Variants in SHISA9 observed in about 807,000 individuals in gnomAD.
SHISA9 encodes the protein shisa family member 9.
In SHISA9, 13 loss-of-function variants were observed where a neutral mutation model predicts 38.0. That is an observed-to-expected ratio of 0.34 (90% CI 0.22 to 0.54). The LOEUF (loss-of-function observed/expected upper bound fraction) is 0.54, where lower values mean the gene tolerates loss of function less well. Among genes scored for constraint, SHISA9 ranks in the 20% least tolerant of loss-of-function variants. The pLI, the probability that SHISA9 is intolerant of heterozygous loss-of-function variation, is 0.91. For missense variants in SHISA9, 538 were observed against 575.8 expected, an observed-to-expected ratio of 0.93 and a Z score of 0.67; for synonymous variants, 275 against 242.0, an observed-to-expected ratio of 1.14 and a Z score of -1.27.
chr16:12,902,451 C>A lies in SHISA9; in HGVS notation c.387C>A (p.Leu129=). 1 of 1,551,450 alleles carries A rather than the reference C, an allele frequency of 6.4e-7. No individual in the cohort carries two copies. The highest frequency in any genetic ancestry group is 8.7e-7 in the Non-Finnish European group (1 of 1,147,008). Residue 129 remains leucine, a synonymous_variant, in exon 1 of 5, where the codon CTC becomes CTA. Transcript: ENST00000558583. ...CCAACTACGACACGCCGCTCTGGCT[C>A]AACACCGGCAAGCCCCCCGCCCGCA... ...TCTNYDTPLW[L]NTGKPPARKD...
At chr16:13,533,732 C>T in the SHISA9 span, among the ~76,000 whole-genome samples, 1 of 151,714 alleles carries the variant, frequency 6.6e-6, no homozygotes, top group South Asian at 2.1e-4. Context: ...ATTTCCCCCT[C>T]TTTGTGGATT....
intron 4 of SHISA9, among the ~76,000 whole-genome samples, chr16:13,219,174 C>G (rs1291721140): frequency 1.3e-5 from 2 of 152,206 alleles, no homozygotes; most frequent in South Asian, 4.1e-4. Context: ...AGAAAATGCT[C>G]TTGCATCAAG....
chr16:13,045,775 G>A (rs1114176), intron 2 of SHISA9, among the ~76,000 whole-genome samples: 9,752 of 152,156 alleles, frequency 0.064, 606 homozygotes, highest in East Asian at 0.18. Flanking sequence ...TGTCCCCCAG[G>A]GGGAGTCTGC....
the SHISA9 span, among the ~76,000 whole-genome samples, chr16:13,293,048 C>T: frequency 1.3e-5 from 2 of 152,102 alleles, no homozygotes; most frequent in African/African-American, 4.8e-5. Context: ...CTGCAAACTG[C>T]TGTTTCTCTT....
At chr16:13,104,365 G>T (rs1365646451) in intron 2 of SHISA9, among the ~76,000 whole-genome samples, 2 of 151,882 alleles carry the variant, frequency 1.3e-5, no homozygotes, top group Admixed American at 1.3e-4. Flanking sequence ...CCCAAGAGAA[G>T]TGAAAGCATA....
intron 2 of SHISA9, among the ~76,000 whole-genome samples, chr16:13,060,637 CAAAA>C (rs5815739): frequency 3.5e-5 from 3 of 86,560 alleles, no homozygotes; most frequent in African/African-American, 1.4e-4. Flanking sequence ...GACCCCATCT[CAAAA>C]AAAAAAAAAA....
intron 2 of SHISA9, among the ~76,000 whole-genome samples, chr16:13,155,131 G>A (rs2050532919): frequency 6.6e-6 from 1 of 152,198 alleles, no homozygotes; most frequent in South Asian, 2.1e-4. Flanking sequence ...AGGCTGAGTT[G>A]CAATGCAATG....
At chr16:13,494,354 A>G in the SHISA9 span, among the ~76,000 whole-genome samples, 6 of 152,320 alleles carry the variant, frequency 3.9e-5, no homozygotes, top group East Asian at 7.7e-4. Flanking sequence ...ACAATTGGGG[A>G]CACTAAAGAA....
In SHISA9 at chr16:13,111,904, C is replaced by G. The variant is rs183035409; in HGVS notation, c.692-91490C>G. Among the ~76,000 whole-genome samples the G allele has an allele frequency of 7.2e-5, 11 of 152,234 alleles. 1 individual carries two copies. Among genetic ancestry groups the G allele is most frequent in the Non-Finnish European group, 1.5e-5 (1 of 68,016 alleles). ...TGTTGAGGCAGACATTCGTGGAAACCCATTTCATCTTGTATTTGCAGATGA... is the reference window on the plus strand; with the variant it reads ...TGTTGAGGCAGACATTCGTGGAAACGCATTTCATCTTGTATTTGCAGATGA... On this transcript the variant is annotated intron_variant, in intron 2 of 4. Transcript: ENST00000558583.
At chr16:13,201,688 T>C (rs1302523286) in intron 2 of SHISA9, among the ~76,000 whole-genome samples, 1 of 130,924 alleles carries the variant, frequency 7.6e-6, no homozygotes, top group East Asian at 2.0e-4. Flanking sequence ...CTCTGAAGTA[T>C]CATCATTTCA....
the SHISA9 span, among the ~76,000 whole-genome samples, chr16:13,432,761 G>C: frequency 1.3e-5 from 2 of 152,154 alleles, no homozygotes; most frequent in Non-Finnish European, 2.9e-5. Flanking sequence ...CATGTCCTTT[G>C]CAGGGACATG....
At chr16:13,452,949 C>T in the SHISA9 span, among the ~76,000 whole-genome samples, 19 of 152,072 alleles carry the variant, frequency 1.2e-4, no homozygotes, top group Non-Finnish European at 2.5e-4. Context: ...CACTCTGTCA[C>T]CCAGGCTGGA....
intron 2 of SHISA9, among the ~76,000 whole-genome samples, chr16:13,170,459 C>T (rs968665179): frequency 3.3e-5 from 5 of 151,994 alleles, no homozygotes; most frequent in East Asian, 1.9e-4. Context: ...CACATGGATG[C>T]GTGGCAGGGA....
At chr16:13,488,384 G>C in the SHISA9 span, among the ~76,000 whole-genome samples, 126,501 of 152,090 alleles carry the variant, frequency 0.83, 52,782 homozygotes, top group East Asian at 0.96. Context: ...GCATTTTTCT[G>C]TGTCATCTGG....
the SHISA9 span, among the ~76,000 whole-genome samples, chr16:13,418,222 A>G: frequency 6.6e-6 from 1 of 151,998 alleles, no homozygotes; most frequent in African/African-American, 2.4e-5. Flanking sequence ...AAAAAAAAAG[A>G]GGTGCTCCAA....
chr16:13,005,422 C>T (rs760885315), intron 2 of SHISA9, among the ~76,000 whole-genome samples: 2 of 152,072 alleles, frequency 1.3e-5, no homozygotes, highest in East Asian at 1.9e-4. Context: ...TTGCAAATAC[C>T]GTAGGGATGC....
the SHISA9 span, among the ~76,000 whole-genome samples, chr16:13,310,090 G>A: frequency 2.1e-4 from 32 of 152,242 alleles, no homozygotes; most frequent in African/African-American, 7.5e-4. Flanking sequence ...GTTTCACCAT[G>A]TTGGCCAGGC....
chr16:13,409,855 G>A, the SHISA9 span, among the ~76,000 whole-genome samples: 2 of 152,178 alleles, frequency 1.3e-5, no homozygotes, highest in African/African-American at 4.8e-5. Context: ...CACCTTGCTA[G>A]GGCTTCAGAA....
the SHISA9 span, among the ~76,000 whole-genome samples, chr16:13,358,948 T>G: frequency 6.6e-6 from 1 of 152,192 alleles, no homozygotes; most frequent in African/African-American, 2.4e-5. Flanking sequence ...GTACTGAACT[T>G]AGCAGATTAC....
Sources: gnomAD v4.1 joint callset for allele counts (sites outside exome capture counted in the v4.1 genomes callset) on GRCh38, gnomAD v4.1.1 for gene constraint, MANE v1.5 for transcripts, NCBI Gene and HGNC (gene_info 2026-07-23, HGNC 2026-07-21) for gene names.